The following PPP1R2 variants were observed in gnomAD, a reference collection of about 807,000 sequenced individuals.
The protein encoded by PPP1R2 is protein phosphatase inhibitor 2.
PPP1R2 carries 16 observed loss-of-function variants against 29.9 expected under a neutral mutation model. That is an observed-to-expected ratio of 0.53 (90% CI 0.36 to 0.81). The LOEUF is 0.81. Among genes scored for constraint, PPP1R2 ranks in the 30% least tolerant of loss-of-function variants. The probability of loss-of-function intolerance (pLI) is 0.00; values close to 1 mark genes in which losing one functional copy is unlikely to be tolerated. For missense variants in PPP1R2, 197 were observed against 252.7 expected, an observed-to-expected ratio of 0.78 and a Z score of 1.49; for synonymous variants, 76 against 91.5, an observed-to-expected ratio of 0.83 and a Z score of 0.96.
chr3:195,521,003 T>C (rs1166991486), intron 4 of PPP1R2, among the ~76,000 whole-genome samples: 1 of 152,148 alleles, frequency 6.6e-6, no homozygotes, highest in East Asian at 1.9e-4. Context: ...TTTATCAACA[T>C]CTATACTTAT....
At chr3:195,525,104 T>TA (rs914315800) in intron 2 of PPP1R2, among the ~76,000 whole-genome samples, 15 of 151,764 alleles carry the variant, frequency 9.9e-5, no homozygotes, top group Non-Finnish European at 1.9e-4. Flanking sequence ...TCCAAATGAT[T>TA]AAAAAAAACA....
At chr3:195,523,910 G>A (rs886681891) in intron 3 of PPP1R2, 124 bp from the exon 4 acceptor site, 1 of 837,134 alleles carries the variant, frequency 1.2e-6, no homozygotes, top group Non-Finnish European at 1.9e-6. Flanking sequence ...ATAACCTGAT[G>A]AGGAAAATAA....
At chr3:195,526,344 C>T (rs1447900687) in intron 2 of PPP1R2, among the ~76,000 whole-genome samples, 1 of 152,020 alleles carries the variant, frequency 6.6e-6, no homozygotes, top group Admixed American at 6.6e-5. Flanking sequence ...GCAATCCTCC[C>T]ACCTCAGCCT....
Position 195,529,911 on chromosome 3 carries a change from A to T in PPP1R2, c.123-10T>A, listed in dbSNP as rs748602503. The T allele has an allele frequency of 3.1e-6, 5 of 1,587,594 alleles. No individual in the cohort carries two copies. The Middle Eastern group carries it at 5.0e-4, about 159-fold the overall frequency. ...CTTCTGGGATTTTTTGCTAAAATTA[A>T]AAAGAAAAAACGTTTTTCCCAATGC... On this transcript the variant is annotated splice_polypyrimidine_tract_variant and intron_variant, in intron 1 of 5. Transcript: ENST00000618156.
In PPP1R2 at chr3:195,528,700, C is replaced by CTTTTTTTTTTTT. The variant is rs767313014; in HGVS notation, c.230+1093_230+1094insAAAAAAAAAAAA. The CTTTTTTTTTTTT allele has an allele frequency of 9.7e-4, 74 of 76,642 alleles. 3 individuals are homozygous for CTTTTTTTTTTTT. Among genetic ancestry groups the CTTTTTTTTTTTT allele is most frequent in the Middle Eastern group, 8.8e-3 (1 of 114 alleles). 4.7% of individuals were successfully genotyped at this position (76,642 alleles called of 1,614,324 possible). On this transcript the variant is annotated intron_variant, in intron 2 of 5. Coordinates refer to ENST00000618156, the MANE Select transcript of PPP1R2 (RefSeq NM_006241.8). ...TCAATACAAGGTAGGTAGGGCATAA[C>CTTTTTTTTTTTT]TATTTTTTTTTTTTTTTTTTTTTTT...
intron 1 of PPP1R2, among the ~76,000 whole-genome samples, chr3:195,538,759 G>T (rs1719484419): frequency 6.6e-6 from 1 of 152,124 alleles, no homozygotes; most frequent in South Asian, 2.1e-4. Context: ...TGGAAAAAAT[G>T]AATTTCTATA....
intron 1 of PPP1R2, among the ~76,000 whole-genome samples, chr3:195,534,737 A>G (rs891753836): frequency 6.6e-6 from 1 of 152,074 alleles, no homozygotes; most frequent in East Asian, 1.9e-4. Context: ...TCCATCGCCC[A>G]GGCTGGAGTG....
intron 4 of PPP1R2, among the ~76,000 whole-genome samples, chr3:195,520,408 A>G (rs1243986840): frequency 6.6e-6 from 1 of 152,182 alleles, no homozygotes; most frequent in East Asian, 1.9e-4. Flanking sequence ...CAGGAGTTCA[A>G]GACCAGCCTG....
At position 195,523,805 on chromosome 3, in the gene PPP1R2, CAAAG is replaced by C. The variant is rs1377061176; in HGVS notation, c.309-23_309-20del. ...AGCTAATCTATGCAACAATCATGTA[CAAAG>C]AAATTAACAGTGATGTTTTGATATT... is the stretch of plus-strand genomic sequence containing the variant. On this transcript the variant is annotated intron_variant, in intron 3 of 5. Transcript: ENST00000618156. 2 of 1,596,656 alleles carry C rather than the reference CAAAG, an allele frequency of 1.3e-6. No homozygotes were observed. The highest frequency in any genetic ancestry group is 2.7e-5 in the African/African-American group (2 of 74,488).
intron 4 of PPP1R2, among the ~76,000 whole-genome samples, chr3:195,520,259 C>T (rs1577563886): frequency 6.6e-6 from 1 of 152,166 alleles, no homozygotes; most frequent in Non-Finnish European, 1.5e-5. Flanking sequence ...ATCCGCCTGC[C>T]TTGGCCTCCA....
chr3:195,538,293 C>A (rs1204659344), intron 1 of PPP1R2, among the ~76,000 whole-genome samples: 1 of 152,188 alleles, frequency 6.6e-6, no homozygotes, highest in Admixed American at 6.5e-5. Flanking sequence ...TTGTGACTTG[C>A]TCATTTGATA....
intron 4 of PPP1R2, 94 bp downstream of exon 4, chr3:195,523,598 A>G: frequency 1.0e-6 from 1 of 994,148 alleles, no homozygotes; most frequent in South Asian, 1.4e-5. Context: ...GTGTGTCCCC[A>G]AAATGAAAAC....
At chr3:195,533,792 T>C (rs980744999) in intron 1 of PPP1R2, among the ~76,000 whole-genome samples, 3 of 152,196 alleles carry the variant, frequency 2.0e-5, no homozygotes, top group African/African-American at 7.2e-5. Flanking sequence ...GAGTGCAGGA[T>C]TGTACAAGAC....
chr3:195,536,646 T>G (rs1271549729), intron 1 of PPP1R2, among the ~76,000 whole-genome samples: 1 of 151,808 alleles, frequency 6.6e-6, no homozygotes, highest in Non-Finnish European at 1.5e-5. Flanking sequence ...AAATTAGCCA[T>G]GCTTGGTGGC....
chr3:195,538,433 C>A (rs1719472436), intron 1 of PPP1R2, among the ~76,000 whole-genome samples: 1 of 152,206 alleles, frequency 6.6e-6, no homozygotes. Context: ...CAATATAAGA[C>A]TTCGAAGCCT....
chr3:195,536,293 TAAAAAAAAAAAA>T (rs10645669), intron 1 of PPP1R2, among the ~76,000 whole-genome samples: 5 of 115,508 alleles, frequency 4.3e-5, no homozygotes, highest in East Asian at 2.5e-4. Context: ...ACCCTGTCTT[TAAAAAAAAAAAA>T]AAAAAAAAAA....
At chr3:195,535,872 G>A (rs902903535) in intron 1 of PPP1R2, among the ~76,000 whole-genome samples, 6 of 152,106 alleles carry the variant, frequency 3.9e-5, no homozygotes, top group African/African-American at 1.4e-4. Flanking sequence ...CATAAATTAT[G>A]ATGTATTTTT....
At chr3:195,542,338 G>A (rs926365028) in intron 1 of PPP1R2, among the ~76,000 whole-genome samples, 2 of 152,144 alleles carry the variant, frequency 1.3e-5, no homozygotes, top group Non-Finnish European at 2.9e-5. Context: ...TTACCACTGG[G>A]TCATTTCAAG....
At chr3:195,521,263 G>A (rs558974172) in intron 4 of PPP1R2, among the ~76,000 whole-genome samples, 5 of 123,546 alleles carry the variant, frequency 4.0e-5, no homozygotes, top group African/African-American at 6.2e-5. Flanking sequence ...TGCAGTGAGC[G>A]AAGATCGCGC....
Sources: allele counts gnomAD v4.1 joint callset (sites outside exome capture counted in the v4.1 genomes callset), GRCh38; gene constraint gnomAD v4.1.1; transcripts MANE v1.5; gene names NCBI Gene and HGNC (gene_info 2026-07-23, HGNC 2026-07-21).